The following FGF13 variants were observed in gnomAD, a reference collection of about 807,000 sequenced individuals.
The protein encoded by FGF13 is fibroblast growth factor homologous factor 2.
A neutral mutation model predicts 19.5 loss-of-function variants in FGF13; 2 were observed. That is an observed-to-expected ratio of 0.10 (90% confidence interval 0.04 to 0.32). The LOEUF is 0.32. Among genes scored for constraint, FGF13 ranks in the 10% least tolerant of loss-of-function variants. The pLI is 1.00. For missense variants in FGF13, 113 were observed against 192.7 expected (o/e 0.59, Z 2.45); for synonymous variants, 72 against 76.9 (o/e 0.94, Z 0.33).
At chrX:138,872,596 GA>G (rs1385811706) in intron 1 of FGF13, among the ~76,000 whole-genome samples, 1 of 112,094 alleles carries the variant, frequency 8.9e-6, no homozygotes, top group Non-Finnish European at 1.9e-5. Flanking sequence ...AACTGGAGTT[GA>G]CCAGATGACC....
intron 2 of FGF13, among the ~76,000 whole-genome samples, chrX:138,863,430 G>A (rs763430087): frequency 4.5e-5 from 5 of 111,327 alleles, no homozygotes; most frequent in African/African-American, 6.5e-5. Context: ...GTGGTGCCTC[G>A]GGACAGGTTT....
At position 138,625,170 on chromosome X, in the gene FGF13, C is replaced by T. The variant is rs1454001956; in HGVS notation, c.*7680G>A. ...TGTTATTAATAGGAATAATATTATC[C>T]AAAACTTAAAAGATAATGTGTTGGC... On this transcript the variant is annotated 3_prime_UTR_variant, in exon 5 of 5. Transcript: ENST00000315930. 9.1e-6 allele frequency: 1 copy of T among 109,625 alleles called. No individual in the cohort carries two copies. Among genetic ancestry groups the T allele is most frequent in the Non-Finnish European group, 1.9e-5 (1 of 52,680 alleles). The allele number at this position is 109,625 out of a possible 1,213,427, so 9.0% of individuals were successfully genotyped here.
chrX:138,676,261 C>A (rs1231453640), intron 3 of FGF13, among the ~76,000 whole-genome samples: 1 of 110,857 alleles, frequency 9.0e-6, no homozygotes, highest in African/African-American at 3.3e-5. Context: ...TCCACAGCTA[C>A]CTCATGCCTG....
intron 3 of FGF13, among the ~76,000 whole-genome samples, chrX:138,832,697 C>G (rs1475620188): frequency 1.8e-5 from 2 of 111,966 alleles, no homozygotes; most frequent in African/African-American, 3.2e-5. Flanking sequence ...TTGCTTCTGT[C>G]ACTATTGCTT....
intron 1 of FGF13, among the ~76,000 whole-genome samples, chrX:138,921,014 A>C (rs2091641960): frequency 8.9e-6 from 1 of 111,768 alleles, no homozygotes; most frequent in African/African-American, 3.2e-5. Context: ...TGGCCTCTCT[A>C]AGCCTTTACT....
rs778379139 is a variant in FGF13, at chrX:139,049,773, C to A, written c.-113+153643G>T. On this transcript the variant is annotated intron_variant, in intron 1 of 2. Coordinates refer to the FGF13 transcript ENST00000421460. ...CCCAGATGGCAATAAGTTTCGGAAT[C>A]CCATAGCATTCCTTTTGATTTCTGG... is the stretch of plus-strand genomic sequence containing the variant. Among the ~76,000 whole-genome samples, 3 of 112,450 alleles carry A rather than the reference C, an allele frequency of 2.7e-5. No homozygotes were observed. The East Asian group carries it at 8.4e-4, about 32-fold the overall frequency.
In FGF13 at chrX:138,846,882, C is replaced by A. The variant is rs554024874; in HGVS notation, c.217+10630G>T. ...ATTTCTTTGTATGCCGGGACCAAGT[C>A]ATCAGTTCCTTAAAGGTAAGGGTCA... On this transcript the variant is annotated intron_variant, in intron 3 of 6. Coordinates refer to the FGF13 transcript ENST00000436198. 4.5e-4 allele frequency among the ~76,000 whole-genome samples: 50 copies of A among 111,414 alleles called. 2 individuals are homozygous for A. The South Asian group carries it at 0.019, about 42-fold the overall frequency.
chrX:138,796,904 T>C (rs1265067737), intron 3 of FGF13, among the ~76,000 whole-genome samples: 1 of 111,866 alleles, frequency 8.9e-6, no homozygotes, highest in African/African-American at 3.3e-5. Context: ...TATGATGGGG[T>C]TGTTTTTTTC....
intron 3 of FGF13, among the ~76,000 whole-genome samples, chrX:138,757,124 T>C (rs760950634): frequency 1.8e-5 from 2 of 110,495 alleles, no homozygotes; most frequent in East Asian, 5.8e-4. Context: ...AGTATGCCAT[T>C]TACTGGCTTG....
intron 1 of FGF13, among the ~76,000 whole-genome samples, chrX:139,060,206 T>C (rs1603169587): frequency 1.8e-5 from 2 of 111,363 alleles, no homozygotes; most frequent in African/African-American, 6.5e-5. Flanking sequence ...AAATGGCATA[T>C]TTCTTCTATT....
intron 3 of FGF13, among the ~76,000 whole-genome samples, chrX:138,653,281 C>G (rs998748182): frequency 1.8e-5 from 2 of 111,155 alleles, no homozygotes; most frequent in African/African-American, 6.5e-5. Context: ...CAAATACATG[C>G]CACAACTTGC....
Position 138,749,803 on chromosome X carries a change from G to C in FGF13, c.218-40875C>G, listed in dbSNP as rs1238571104. 3.6e-5 allele frequency among the ~76,000 whole-genome samples: 4 copies of C among 111,711 alleles called. No individual in the cohort carries two copies. The Admixed American group carries it at 3.8e-4, about 11-fold the overall frequency. On this transcript the variant is annotated intron_variant, in intron 3 of 6. Transcript: ENST00000436198. ...AAACGATGGAAGGTGTTAGGAGTCA[G>C]ATTATGTGTGACCCCCTGGATCACG...
At chrX:138,708,256 C>T (rs2090010698) in intron 2 of FGF13, among the ~76,000 whole-genome samples, 1 of 112,040 alleles carries the variant, frequency 8.9e-6, no homozygotes, top group Admixed American at 9.4e-5. Flanking sequence ...TTTAGGCTCA[C>T]CATTATAGTC....
chrX:138,734,846 T>A (rs764253632), intron 1 of FGF13, among the ~76,000 whole-genome samples: 51 of 111,915 alleles, frequency 4.6e-4, no homozygotes, highest in Non-Finnish European at 9.0e-4. Flanking sequence ...GGCACCTTCC[T>A]TGGTGTCTAG....
At chrX:138,770,716 C>T (rs1181191925) in intron 3 of FGF13, among the ~76,000 whole-genome samples, 2 of 111,961 alleles carry the variant, frequency 1.8e-5, no homozygotes, top group African/African-American at 6.5e-5. Context: ...TAATGTGGTG[C>T]TTGGCTCTGG....
intron 3 of FGF13, among the ~76,000 whole-genome samples, chrX:138,769,055 T>A (rs757060067): frequency 9.9e-5 from 11 of 111,166 alleles, no homozygotes; most frequent in Non-Finnish European, 2.1e-4. Flanking sequence ...TTCGGTTGAC[T>A]GTTCTAATAA....
intron 3 of FGF13, among the ~76,000 whole-genome samples, chrX:138,749,753 A>G (rs999612322): frequency 9.0e-6 from 1 of 111,638 alleles, no homozygotes; most frequent in Non-Finnish European, 1.9e-5. Flanking sequence ...TGGAGCACAG[A>G]TTTCCAGAGA....
chrX:138,881,463 T>C (rs2091424221), intron 1 of FGF13, among the ~76,000 whole-genome samples: 1 of 112,064 alleles, frequency 8.9e-6, no homozygotes, highest in Non-Finnish European at 1.9e-5. Flanking sequence ...TTCTATGTTA[T>C]GGAAGTGTTT....
At chrX:138,757,615 G>C (rs978021124) in intron 3 of FGF13, among the ~76,000 whole-genome samples, 3 of 110,823 alleles carry the variant, frequency 2.7e-5, no homozygotes, top group African/African-American at 9.9e-5. Context: ...CATGGCAACG[G>C]AGCACAGGAA....
Sources: allele counts gnomAD v4.1 joint callset (sites outside exome capture counted in the v4.1 genomes callset), GRCh38; gene constraint gnomAD v4.1.1; transcripts MANE v1.5; gene names NCBI Gene and HGNC (gene_info 2026-07-23, HGNC 2026-07-21).